The following ITGA4 variants were observed in gnomAD, a reference collection of about 807,000 sequenced individuals.
The protein encoded by ITGA4 is integrin subunit alpha 4.
In ITGA4, 63 loss-of-function variants were observed where a neutral mutation model predicts 133.6. That is an observed-to-expected ratio of 0.47 (90% CI 0.38 to 0.58). The LOEUF (loss-of-function observed/expected upper bound fraction) is 0.58. Ranked by LOEUF, ITGA4 falls within the 20% of genes least tolerant of loss-of-function variation. ITGA4 has a pLI of 0.00. For synonymous variants in ITGA4, 483 were observed against 438.0 expected (o/e 1.10, Z -1.28); for missense variants, 1,076 against 1,252.7 (o/e 0.86, Z 2.13).
At chr2:181,489,002 T>A (rs1685984336) in intron 10 of ITGA4, among the ~76,000 whole-genome samples, 1 of 152,246 alleles carries the variant, frequency 6.6e-6, no homozygotes, top group Non-Finnish European at 1.5e-5. Flanking sequence ...CCACCATGTC[T>A]GCCTGCATGA....
intron 15 of ITGA4, among the ~76,000 whole-genome samples, chr2:181,508,750 C>T (rs1686443600): frequency 1.3e-5 from 2 of 151,764 alleles, no homozygotes; most frequent in Non-Finnish European, 1.5e-5. Flanking sequence ...ATAAGAAAAT[C>T]AGTGAAGCGA....
At position 181,537,677 on chromosome 2, in the gene ITGA4, G is replaced by T; in HGVS notation, c.*2150G>T. On this transcript the variant is annotated 3_prime_UTR_variant, in exon 28 of 28. Transcript: ENST00000397033. Reference sequence around the variant, plus strand: ...ATCCAAATTATTTCAGAATTATCTAGGTTAAATATTGATGTATTATGATGG... The same window carrying T: ...ATCCAAATTATTTCAGAATTATCTATGTTAAATATTGATGTATTATGATGG... 2.3e-6 allele frequency: 1 copy of T among 433,044 alleles called. No homozygotes were observed. The highest frequency in any genetic ancestry group is 4.6e-6 in the Non-Finnish European group (1 of 219,232). 26.8% of individuals were successfully genotyped at this position (433,044 alleles called of 1,614,324 possible).
rs1440056491 is a variant in ITGA4, at chr2:181,495,141, A to G, written c.1340-230A>G. On this transcript the variant is annotated intron_variant, in intron 12 of 27. Transcript: ENST00000397033. This position sits in a 1 kb window ranked among gnomAD's most constrained non-coding sequence, Gnocchi z 4.3. ...CAAAAATTGAATTTTGTTTTAGTAA[A>G]CTTGTTTTTGTCATAAAGTTTATGA... is the stretch of plus-strand genomic sequence containing the variant. Among the ~76,000 whole-genome samples the G allele has an allele frequency of 1.3e-5, 2 of 152,198 alleles. No individual in the cohort carries two copies. Among genetic ancestry groups the G allele is most frequent in the Non-Finnish European group, 2.9e-5 (2 of 68,020 alleles).
Position 181,536,771 on chromosome 2 carries a change from C to G in ITGA4, c.*1244C>G. On this transcript the variant is annotated 3_prime_UTR_variant, in exon 28 of 28. Coordinates refer to ENST00000397033, the MANE Select transcript of ITGA4 (RefSeq NM_000885.6). ...TTTAAAAAATTTCTTTAAATACAAT[C>G]ATTTTTGTAATATTTATTTTATGCT... is the stretch of plus-strand genomic sequence containing the variant. The G allele has an allele frequency of 4.1e-6, 1 of 243,496 alleles. No individual in the cohort carries two copies. Among genetic ancestry groups the G allele is most frequent in the Non-Finnish European group, 8.3e-6 (1 of 120,578 alleles). 15.1% of individuals were successfully genotyped at this position (243,496 alleles called of 1,614,324 possible).
intron 1 of ITGA4, among the ~76,000 whole-genome samples, 167 bp from the exon 2 acceptor site, chr2:181,458,029 G>A (rs1685170368): frequency 6.6e-6 from 1 of 152,208 alleles, no homozygotes; most frequent in South Asian, 2.1e-4. Flanking sequence ...GGGCGGCAGC[G>A]CCCCGGGTGC....
Position 181,474,991 on chromosome 2 carries a change from T to C in ITGA4, c.351T>C (p.Thr117=). 2 of 1,614,058 alleles carry C rather than the reference T, an allele frequency of 1.2e-6. No homozygotes were observed. The highest frequency in any genetic ancestry group is 1.7e-6 in the Non-Finnish European group (2 of 1,179,948). ...GSPNGEPCGK[T]CLEERDNQWL... ...CTAATGGAGAACCTTGTGGAAAGAC[T>C]TGTTTGGAAGAGAGAGACAATCAGT... The change falls in exon 3 of 28, where the codon ACT becomes ACC. Residue 117 remains threonine (T), a synonymous_variant. Transcript: ENST00000397033.
chr2:181,531,417 C>T (rs1264970988), intron 24 of ITGA4, among the ~76,000 whole-genome samples: 1 of 152,032 alleles, frequency 6.6e-6, no homozygotes, highest in African/African-American at 2.4e-5. Flanking sequence ...TATGTTAATA[C>T]AAATAATAAG....
At chr2:181,507,193 C>G (rs1054075495) in intron 15 of ITGA4, among the ~76,000 whole-genome samples, 1 of 152,094 alleles carries the variant, frequency 6.6e-6, no homozygotes, top group Non-Finnish European at 1.5e-5. Flanking sequence ...AAAACAAAAA[C>G]TGCATAGATT....
In ITGA4 at chr2:181,536,907, GTGGAAAAACAATT is replaced by G. The variant is rs1156413195; in HGVS notation, c.*1381_*1393del. The G allele has an allele frequency of 2.2e-6, 1 of 453,486 alleles. No homozygotes were observed. Among genetic ancestry groups the G allele is most frequent in the South Asian group, 1.6e-5 (1 of 64,370 alleles). The allele number at this position is 453,486 out of a possible 1,614,324, so 28.1% of individuals were successfully genotyped here. On this transcript the variant is annotated 3_prime_UTR_variant, in exon 28 of 28. Transcript: ENST00000397033. Reference sequence around the variant, plus strand: ...GGGAGTGATCAAATTAGAAGGCAATGTGGAAAAACAATTCTGGGAAAGATTTCTTTATATGAAG... The same window carrying G: ...GGGAGTGATCAAATTAGAAGGCAATGCTGGGAAAGATTTCTTTATATGAAG...
intron 2 of ITGA4, among the ~76,000 whole-genome samples, chr2:181,466,652 ACC>A (rs1685423811): frequency 6.6e-6 from 1 of 152,194 alleles, no homozygotes; most frequent in African/African-American, 2.4e-5. Flanking sequence ...AAACATTGCC[ACC>A]AGGTTTAACT....
At chr2:181,535,357 G>T (rs752440089) in intron 27 of ITGA4, 75 bp from the exon 28 acceptor site, 25 of 1,135,692 alleles carry the variant, frequency 2.2e-5, no homozygotes, top group Non-Finnish European at 3.0e-5. Context: ...TAACTGCTTA[G>T]ATATTAGAAA....
At chr2:181,505,790 G>A (rs971341850) in intron 15 of ITGA4, among the ~76,000 whole-genome samples, 2 of 152,086 alleles carry the variant, frequency 1.3e-5, no homozygotes, top group African/African-American at 4.8e-5. Flanking sequence ...TGGAAAATTA[G>A]TATGAATTAG....
chr2:181,526,702 C>A (rs1327521398), intron 21 of ITGA4, among the ~76,000 whole-genome samples: 1 of 151,494 alleles, frequency 6.6e-6, no homozygotes, highest in East Asian at 1.9e-4. Context: ...TTACATGAAT[C>A]ACTTAAGGGC....
At chr2:181,457,316 G>A (rs1005872922), upstream of ITGA4, 3 of 257,134 alleles carry the variant, frequency 1.2e-5, no homozygotes, top group Non-Finnish European at 2.3e-5. Context: ...GCCGCGCGTA[G>A]GCAGAGACGG....
intron 15 of ITGA4, among the ~76,000 whole-genome samples, chr2:181,501,534 A>G (rs1380742694): frequency 6.6e-6 from 1 of 152,188 alleles, no homozygotes; most frequent in African/African-American, 2.4e-5. Context: ...GATTCGACAC[A>G]TGGAGAAGAG....
intron 10 of ITGA4, 64 bp from the exon 11 acceptor site, chr2:181,493,257 GGTTA>G (rs1242364901): frequency 1.8e-5 from 17 of 959,554 alleles, no homozygotes; most frequent in Non-Finnish European, 2.6e-5. Flanking sequence ...AGGTTCATAA[GGTTA>G]GTTTTCGAAG....
intron 15 of ITGA4, among the ~76,000 whole-genome samples, chr2:181,503,915 T>C (rs533644250): frequency 1.3e-5 from 2 of 152,178 alleles, no homozygotes; most frequent in South Asian, 2.1e-4. Context: ...GCAGTTTTGA[T>C]TTAGGGAAAC....
chr2:181,476,443 C>A (rs950034965), intron 4 of ITGA4, among the ~76,000 whole-genome samples: 15 of 152,122 alleles, frequency 9.9e-5, no homozygotes, highest in Admixed American at 7.2e-4. Flanking sequence ...AAATGACTTA[C>A]CAATTTATTG....
chr2:181,533,207 T>A lies in ITGA4; in HGVS notation c.2785-1065T>A, dbSNP rs183117600. Among the ~76,000 whole-genome samples, 36 of 152,314 alleles carry A rather than the reference T, an allele frequency of 2.4e-4. 1 individual carries two copies. In the East Asian group the frequency reaches 5.4e-3, roughly 23 times the overall value. ...TTCAATATGGATAAATGAGATGATT[T>A]TTATAAGCACTTAGTTCATGGAACA... is the stretch of plus-strand genomic sequence containing the variant. On this transcript the variant is annotated intron_variant, in intron 25 of 27. Transcript: ENST00000397033.
Sources: gnomAD v4.1 joint callset for allele counts (sites outside exome capture counted in the v4.1 genomes callset) on GRCh38, gnomAD v4.1.1 for gene constraint, Gnocchi (gnomAD v3.1) non-coding constraint, MANE v1.5 for transcripts, NCBI Gene and HGNC (gene_info 2026-07-23, HGNC 2026-07-21) for gene names.